Variants in MINDY4 observed in about 807,000 individuals in gnomAD.
MINDY4 encodes the protein MINDY lysine 48 deubiquitinase 4.
In MINDY4, 68 loss-of-function variants were observed where a neutral mutation model predicts 87.0. That is an observed-to-expected ratio of 0.78 (90% CI 0.64 to 0.96). The LOEUF (loss-of-function observed/expected upper bound fraction) is 0.96. MINDY4 is among the 40% of genes least tolerant of loss of function. The pLI is 0.00. For synonymous variants in MINDY4, 379 were observed against 363.2 expected (o/e 1.04, Z -0.50); for missense variants, 919 against 928.2 (o/e 0.99, Z 0.13).
intron 3 of MINDY4, among the ~76,000 whole-genome samples, chr7:30,785,026 C>T (rs919684149): frequency 6.6e-6 from 1 of 151,750 alleles, no homozygotes; most frequent in East Asian, 1.9e-4. Context: ...CGTGGGCTCT[C>T]TCTTGTTCTT....
intron 5 of MINDY4, among the ~76,000 whole-genome samples, chr7:30,802,898 A>G (rs552760838): frequency 7.2e-5 from 11 of 151,920 alleles, no homozygotes; most frequent in Non-Finnish European, 1.2e-4. Context: ...CATTCATCCA[A>G]CAAACCATTC....
At chr7:30,788,128 G>A (rs891829887) in intron 4 of MINDY4, among the ~76,000 whole-genome samples, 1 of 152,164 alleles carries the variant, frequency 6.6e-6, no homozygotes, top group African/African-American at 2.4e-5. Context: ...TGCATTCAGT[G>A]CGTTGCAATA....
intron 5 of MINDY4, among the ~76,000 whole-genome samples, chr7:30,800,052 A>G (rs761673008): frequency 3.9e-5 from 6 of 152,150 alleles, no homozygotes; most frequent in Admixed American, 2.0e-4. Context: ...GAGTTTGGCA[A>G]AGGACGATTC....
chr7:30,862,235 A>C (rs748001656), intron 13 of MINDY4, among the ~76,000 whole-genome samples: 1 of 151,984 alleles, frequency 6.6e-6, no homozygotes, highest in Admixed American at 6.5e-5. Flanking sequence ...CCCAGGGGAG[A>C]CTCCTGAAGA....
chr7:30,781,462 A>G (rs768658451), intron 2 of MINDY4: 78 of 152,746 alleles, frequency 5.1e-4, no homozygotes, highest in South Asian at 1.0e-3. Flanking sequence ...AAAGTGAGTC[A>G]GTCCTGACTG....
intron 5 of MINDY4, among the ~76,000 whole-genome samples, chr7:30,798,984 C>T (rs919537735): frequency 6.6e-6 from 1 of 152,146 alleles, no homozygotes; most frequent in African/African-American, 2.4e-5. Context: ...GCTTCCACAC[C>T]AGGACTATTA....
Position 30,817,895 on chromosome 7 carries a change from G to A in MINDY4, c.1074-10784G>A, listed in dbSNP as rs12535641. ...CACGTGGGAGAGTGGTAGGAGTGCC[G>A]AATTTGTATTCAGGAAACCTGGACT... On this transcript the variant is annotated intron_variant, in intron 5 of 17. Transcript: ENST00000265299. 8.6e-3 allele frequency among the ~76,000 whole-genome samples: 1,303 copies of A among 152,258 alleles called. 8 individuals are homozygous for A. Among genetic ancestry groups the A allele is most frequent in the Non-Finnish European group, 0.013 (858 of 68,016 alleles).
chr7:30,817,094 G>A (rs1788173881), intron 5 of MINDY4, among the ~76,000 whole-genome samples: 1 of 152,160 alleles, frequency 6.6e-6, no homozygotes, highest in Non-Finnish European at 1.5e-5. Flanking sequence ...GGAGGTAGAG[G>A]AAGCCCCTCC....
chr7:30,777,655 G>A (rs113996688), intron 1 of MINDY4, among the ~76,000 whole-genome samples: 1,969 of 152,278 alleles, frequency 0.013, 35 homozygotes, highest in African/African-American at 0.045. Flanking sequence ...TGTAGCACTG[G>A]GGGTCTGGAA....
chr7:30,843,837 A>G (rs1158934809), intron 9 of MINDY4, among the ~76,000 whole-genome samples: 1 of 152,082 alleles, frequency 6.6e-6, no homozygotes, highest in African/African-American at 2.4e-5. Flanking sequence ...GGGGGTGGGC[A>G]GAGGAGGAGG....
At chr7:30,775,566 A>G (rs1052885902) in intron 1 of MINDY4, among the ~76,000 whole-genome samples, 1 of 152,294 alleles carries the variant, frequency 6.6e-6, no homozygotes, top group East Asian at 1.9e-4. Context: ...TAAATCATTG[A>G]CCATTGGTGG....
intron 8 of MINDY4, among the ~76,000 whole-genome samples, chr7:30,840,370 T>C (rs1206329205): frequency 6.6e-6 from 1 of 152,150 alleles, no homozygotes; most frequent in African/African-American, 2.4e-5. Context: ...AAAGGCTTCT[T>C]GGAGGAGGAG....
At chr7:30,777,770 A>G (rs1481695019) in intron 1 of MINDY4, among the ~76,000 whole-genome samples, 1 of 152,216 alleles carries the variant, frequency 6.6e-6, no homozygotes, top group African/African-American at 2.4e-5. Flanking sequence ...TGAGGTGGGC[A>G]GAGAGCAACT....
At chr7:30,798,785 A>C (rs1787567238) in intron 5 of MINDY4, among the ~76,000 whole-genome samples, 1 of 152,198 alleles carries the variant, frequency 6.6e-6, no homozygotes, top group Admixed American at 6.5e-5. Flanking sequence ...GGCGTGAGCC[A>C]CTGCGCCCAG....
intron 3 of MINDY4, among the ~76,000 whole-genome samples, chr7:30,785,237 T>G (rs1319184573): frequency 6.7e-6 from 1 of 149,210 alleles, no homozygotes; most frequent in East Asian, 2.0e-4. Flanking sequence ...CTTTTGTTCT[T>G]TCTTGCTCTC....
At chr7:30,871,183 C>G (rs554578953) in intron 13 of MINDY4, among the ~76,000 whole-genome samples, 1 of 152,314 alleles carries the variant, frequency 6.6e-6, no homozygotes, top group Admixed American at 6.5e-5. Context: ...ACCTGGGACC[C>G]AGGCTCCCTG....
intron 13 of MINDY4, among the ~76,000 whole-genome samples, chr7:30,868,989 CCTT>C (rs1354063983): frequency 6.6e-6 from 1 of 152,204 alleles, no homozygotes; most frequent in East Asian, 1.9e-4. Flanking sequence ...GCCCATCTCT[CCTT>C]TGTGCTTATT....
chr7:30,780,158 T>C (rs1021217683), intron 2 of MINDY4: 3 of 152,190 alleles, frequency 2.0e-5, no homozygotes, highest in African/African-American at 7.2e-5. Flanking sequence ...CACCTCTGTC[T>C]CCTGTCCTGT....
chr7:30,778,423 T>C lies in MINDY4; in HGVS notation c.64-9T>C, dbSNP rs747141268. Reference sequence around the variant, plus strand: ...GATGGTAAACAGCGATTCAGCTTTCTTCCCTCAGGGCTTAAAGAAGACATG... The same window carrying C: ...GATGGTAAACAGCGATTCAGCTTTCCTCCCTCAGGGCTTAAAGAAGACATG... On this transcript the variant is annotated splice_polypyrimidine_tract_variant and intron_variant, in intron 1 of 17. Transcript: ENST00000265299. The C allele has an allele frequency of 6.2e-7, 1 of 1,614,242 alleles. No individual in the cohort carries two copies. The highest frequency in any genetic ancestry group is 2.2e-5 in the East Asian group (1 of 44,896).
Sources: allele counts gnomAD v4.1 joint callset (sites outside exome capture counted in the v4.1 genomes callset), GRCh38; gene constraint gnomAD v4.1.1; transcripts MANE v1.5; gene names NCBI Gene and HGNC (gene_info 2026-07-23, HGNC 2026-07-21).